The following MTFR1L variants were observed in gnomAD, a reference collection of about 807,000 sequenced individuals.
MTFR1L encodes the protein mitochondrial fission regulator 1 like, also known as mitochondrial fission regulator 1-like.
MTFR1L carries 10 observed loss-of-function variants against 27.9 expected under a neutral mutation model. The ratio of observed to expected loss-of-function variants is 0.36; its 90% CI spans 0.22 to 0.61. The LOEUF (loss-of-function observed/expected upper bound fraction) is 0.61. MTFR1L is among the 20% of genes least tolerant of loss of function. MTFR1L has a pLI of 0.73. For synonymous variants in MTFR1L, 151 were observed against 139.4 expected (o/e 1.08, Z -0.58); for missense variants, 315 against 363.7 (o/e 0.87, Z 1.09).
In MTFR1L at chr1:25,822,714, G is replaced by T. The variant is rs559877511; in HGVS notation, c.-86-305G>T. 10 of 441,340 alleles carry T rather than the reference G, an allele frequency of 2.3e-5. No individual in the cohort carries two copies. In the East Asian group the frequency reaches 3.7e-4, roughly 16 times the overall value. 27.3% of individuals were successfully genotyped at this position (441,340 alleles called of 1,614,324 possible). A position where few individuals can be genotyped will look rare whatever the true frequency, so the allele number is the denominator to read the frequency against. ...GCTAATTTTTTGTATTTTTAGTAGAGACAGGGCTTCACTGTGTTAGCCAGG... is the reference window on the plus strand; with the variant it reads ...GCTAATTTTTTGTATTTTTAGTAGATACAGGGCTTCACTGTGTTAGCCAGG... On this transcript the variant is annotated intron_variant, in intron 1 of 6. Coordinates refer to ENST00000374303, the MANE Select transcript of MTFR1L (RefSeq NM_001099625.2).
chr1:25,820,156 GC>G (rs1265300863), intron 1 of MTFR1L, 127 bp downstream of exon 1: 1 of 451,882 alleles, frequency 2.2e-6, no homozygotes, highest in Non-Finnish European at 4.4e-6. Context: ...TCTCGCGGGA[GC>G]CGCAGCTGTC....
chr1:25,823,411 C>G, intron 2 of MTFR1L: 1 of 742,754 alleles, frequency 1.3e-6, no homozygotes, highest in Non-Finnish European at 2.4e-6. Flanking sequence ...CCCTGACCCT[C>G]CCAACATTGA....
chr1:25,831,240 T>G (rs1388238506), intron 6 of MTFR1L, among the ~76,000 whole-genome samples: 1 of 152,192 alleles, frequency 6.6e-6, no homozygotes, highest in Admixed American at 6.5e-5. Context: ...TAATCACCAG[T>G]AAAACACCTT....
chr1:25,826,335 G>C lies in MTFR1L; in HGVS notation c.163G>C (p.Asp55His), dbSNP rs1404739386. The change falls in exon 4 of 7, where the codon GAT becomes CAT. Residue 55 changes from aspartate to histidine, a missense_variant. Asp to His is a moderately conservative substitution (Grantham distance 81). Coordinates refer to ENST00000374303, the MANE Select transcript of MTFR1L (RefSeq NM_001099625.2). This position sits in a 1 kb window ranked among gnomAD's most constrained non-coding sequence, Gnocchi z 4.1. ...CAACATCTCTGACCTGTGTTTGAGA[G>C]ATGTGCCCCCAGTCCCTACCCTGGC... Reference protein sequence around the residue: ...LPNISDLCLRDVPPVPTLADI... With the variant: ...LPNISDLCLRHVPPVPTLADI... 1.9e-6 allele frequency: 3 copies of C among 1,614,200 alleles called. No homozygotes were observed. The highest frequency in any genetic ancestry group is 2.5e-6 in the Non-Finnish European group (3 of 1,180,034).
chr1:25,826,285 C>T lies in MTFR1L; in HGVS notation c.130-17C>T. On this transcript the variant is annotated splice_polypyrimidine_tract_variant and intron_variant, in intron 3 of 6. Transcript: ENST00000374303. This position sits in a 1 kb window ranked among gnomAD's most constrained non-coding sequence, Gnocchi z 4.1. ...TCATGGCATCTGTAAATGTTGATGA[C>T]TTTTGCTTCTCCATAGACCCTGCCC... The T allele has an allele frequency of 4.3e-6, 7 of 1,610,518 alleles. No individual in the cohort carries two copies. Among genetic ancestry groups the T allele is most frequent in the Non-Finnish European group, 5.9e-6 (7 of 1,176,924 alleles).
At position 25,826,230 on chromosome 1, in the gene MTFR1L, C is replaced by T. The variant is rs2048166031; in HGVS notation, c.130-72C>T. 1.5e-6 allele frequency: 2 copies of T among 1,319,452 alleles called. No individual in the cohort carries two copies. Among genetic ancestry groups the T allele is most frequent in the Non-Finnish European group, 2.2e-6 (2 of 922,562 alleles). The allele number at this position is 1,319,452 out of a possible 1,614,324, so 81.7% of individuals were successfully genotyped here. ...CCCAGTGCCGGATTAGGTACCCCTC[C>T]TGTGTATTCTGCAGTTTCTGATTGG... On this transcript the variant is annotated intron_variant, in intron 3 of 6. Coordinates refer to ENST00000374303, the MANE Select transcript of MTFR1L (RefSeq NM_001099625.2). The surrounding 1 kb of genome is among the most constrained non-coding windows in gnomAD (Gnocchi z 4.1).
intron 1 of MTFR1L, among the ~76,000 whole-genome samples, chr1:25,821,321 C>A (rs962977487): frequency 6.6e-6 from 1 of 152,128 alleles, no homozygotes; most frequent in Non-Finnish European, 1.5e-5. Flanking sequence ...AATTTGTGGC[C>A]GACACGGACA....
chr1:25,823,433 G>A lies in MTFR1L; in HGVS notation c.25-211G>A. 3.9e-6 allele frequency: 3 copies of A among 774,194 alleles called. No homozygotes were observed. The South Asian group carries it at 4.4e-5, about 11-fold the overall frequency. 48.0% of individuals were successfully genotyped at this position (774,194 alleles called of 1,614,324 possible). A position where few individuals can be genotyped will look rare whatever the true frequency, so the allele number is the denominator to read the frequency against. Reference sequence around the variant, plus strand: ...CCTCCCAACATTGACTGCCTTAGCAGCAGCAGGTATTCCCTTGGGTGGCTG... The same window carrying A: ...CCTCCCAACATTGACTGCCTTAGCAACAGCAGGTATTCCCTTGGGTGGCTG... On this transcript the variant is annotated intron_variant, in intron 2 of 6. Coordinates refer to ENST00000374303, the MANE Select transcript of MTFR1L (RefSeq NM_001099625.2).
At chr1:25,828,576 A>G (rs1242330223) in intron 5 of MTFR1L, among the ~76,000 whole-genome samples, 2 of 152,058 alleles carry the variant, frequency 1.3e-5, no homozygotes, top group Non-Finnish European at 2.9e-5. Flanking sequence ...AGAAAAAAAA[A>G]AAACAGTGGT....
At chr1:25,820,841 C>T (rs1020946253) in intron 1 of MTFR1L, 1 of 387,822 alleles carries the variant, frequency 2.6e-6, no homozygotes, top group Non-Finnish European at 4.9e-6. Flanking sequence ...TTATCTAGTT[C>T]CTCTCGCGAG....
chr1:25,832,594 G>C lies in MTFR1L; in HGVS notation c.*568G>C, dbSNP rs139329709. 5.9e-3 allele frequency: 1,044 copies of C among 176,032 alleles called. 9 individuals carry two copies. The highest frequency in any genetic ancestry group is 0.023 in the African/African-American group (960 of 42,548). The allele number at this position is 176,032 out of a possible 1,614,324, so 10.9% of individuals were successfully genotyped here. ...CAGGCTGCTGAACCAGCCAACACAT[G>C]GGCTACTGCTGGGAAGCCTGGGCTG... On this transcript the variant is annotated 3_prime_UTR_variant, in exon 7 of 7. Coordinates refer to ENST00000374303, the MANE Select transcript of MTFR1L (RefSeq NM_001099625.2).
chr1:25,822,514 A>T (rs1310519078), intron 1 of MTFR1L: 1 of 130,522 alleles, frequency 7.7e-6, no homozygotes, highest in Admixed American at 8.3e-5. Flanking sequence ...CAAGCTCACT[A>T]GGCAAATCTT....
At position 25,826,774 on chromosome 1, in the gene MTFR1L, C is replaced by T. The variant is rs201404149; in HGVS notation, c.399C>T (p.Asp133=). 4,859 of 1,614,106 alleles carry T rather than the reference C, an allele frequency of 3.0e-3. 144 individuals carry two copies. In the South Asian group the frequency reaches 0.047, roughly 16 times the overall value. ...PALSRTTELQ[D]ELSHLRSQIA... ...TAAGCCGCACTACTGAGCTGCAGGA[C>T]GAGCTGAGCCACTTGCGCAGCCAGA... The change falls in exon 5 of 7, where the codon GAC becomes GAT. Residue 133 remains aspartate (D), a synonymous_variant. Transcript: ENST00000374303. The surrounding 1 kb of genome is among the most constrained non-coding windows in gnomAD (Gnocchi z 4.1).
chr1:25,826,527 T>A lies in MTFR1L; in HGVS notation c.240-88T>A. Reference sequence around the variant, plus strand: ...CTCAGAGAGGAGCAGAACCTTACTATACTACTCTCACAGAAGTGGGGGAAG... The same window carrying A: ...CTCAGAGAGGAGCAGAACCTTACTAAACTACTCTCACAGAAGTGGGGGAAG... On this transcript the variant is annotated intron_variant, in intron 4 of 6. Transcript: ENST00000374303. The surrounding 1 kb of genome is among the most constrained non-coding windows in gnomAD (Gnocchi z 4.1). 1.3e-6 allele frequency: 2 copies of A among 1,578,054 alleles called. No homozygotes were observed. Among genetic ancestry groups the A allele is most frequent in the Middle Eastern group, 1.7e-4 (1 of 5,978 alleles).
intron 5 of MTFR1L, among the ~76,000 whole-genome samples, chr1:25,828,667 A>G (rs189056853): frequency 6.6e-6 from 1 of 152,274 alleles, no homozygotes; most frequent in Non-Finnish European, 1.5e-5. Context: ...AATGGATGGG[A>G]AGCCTGCCTT....
At chr1:25,821,047 C>G in intron 1 of MTFR1L, 1 of 270,224 alleles carries the variant, frequency 3.7e-6, no homozygotes, top group Non-Finnish European at 7.1e-6. Context: ...GGCTGGAGGG[C>G]AAGGGGGAGA....
At chr1:25,831,204 G>A (rs923231970) in intron 6 of MTFR1L, among the ~76,000 whole-genome samples, 1 of 152,194 alleles carries the variant, frequency 6.6e-6, no homozygotes, top group Admixed American at 6.5e-5. Context: ...AGGTTGAATA[G>A]TCAGTCTTGG....
At chr1:25,828,579 AC>A (rs2124481507) in intron 5 of MTFR1L, among the ~76,000 whole-genome samples, 1 of 151,870 alleles carries the variant, frequency 6.6e-6, no homozygotes, top group African/African-American at 2.4e-5. Flanking sequence ...AAAAAAAAAA[AC>A]AGTGGTCTAT....
In MTFR1L at chr1:25,826,939, C is replaced by A. The variant is rs1195009537; in HGVS notation, c.451+113C>A. 7 of 1,234,018 alleles carry A rather than the reference C, an allele frequency of 5.7e-6. No homozygotes were observed. The highest frequency in any genetic ancestry group is 7.9e-6 in the Non-Finnish European group (7 of 883,036). The allele number at this position is 1,234,018 out of a possible 1,614,324, so 76.4% of individuals were successfully genotyped here. A position where few individuals can be genotyped will look rare whatever the true frequency, so the allele number is the denominator to read the frequency against. ...TCCTTGGTTTGCAGGTACTTAGGTT[C>A]CGGGCCCTGGGGTTGTCCTGAAGCC... On this transcript the variant is annotated intron_variant, in intron 5 of 6. Coordinates refer to ENST00000374303, the MANE Select transcript of MTFR1L (RefSeq NM_001099625.2). The surrounding 1 kb of genome is among the most constrained non-coding windows in gnomAD (Gnocchi z 4.1).
Sources: allele counts gnomAD v4.1 joint callset (sites outside exome capture counted in the v4.1 genomes callset), GRCh38; gene constraint gnomAD v4.1.1; non-coding constraint Gnocchi (gnomAD v3.1); transcripts MANE v1.5; gene names NCBI Gene and HGNC (gene_info 2026-07-23, HGNC 2026-07-21).